The following LHX6 variants were observed in gnomAD, a reference collection of about 807,000 sequenced individuals.
LHX6 encodes the protein LIM/homeobox protein Lhx6.
A neutral mutation model predicts 47.1 loss-of-function variants in LHX6; 15 were observed. That is an observed-to-expected ratio of 0.32 (90% CI 0.21 to 0.49). The LOEUF (loss-of-function observed/expected upper bound fraction) is 0.49, where lower values mean the gene tolerates loss of function less well. Among genes scored for constraint, LHX6 ranks in the 20% least tolerant of loss-of-function variants. LHX6 has a pLI of 0.99. For synonymous variants in LHX6, 242 were observed against 233.5 expected, an observed-to-expected ratio of 1.04 and a Z score of -0.33; for missense variants, 404 against 539.6, an observed-to-expected ratio of 0.75 and a Z score of 2.49.
intron 4 of LHX6, chr9:122,220,912 T>C: frequency 5.3e-6 from 1 of 190,208 alleles, no homozygotes; most frequent in Non-Finnish European, 9.7e-6. Flanking sequence ...AAGCGCTTGG[T>C]AATTATTTGT....
rs1320725303 is a variant in LHX6, at chr9:122,204,558, CTG to C, written c.*200_*201del. The C allele has an allele frequency of 8.3e-6, 4 of 480,090 alleles. No individual in the cohort carries two copies. The highest frequency in any genetic ancestry group is 4.1e-5 in the South Asian group (1 of 24,130). The allele number at this position is 480,090 out of a possible 1,614,324, so 29.7% of individuals were successfully genotyped here. A position where few individuals can be genotyped will look rare whatever the true frequency, so the allele number is the denominator to read the frequency against. On this transcript the variant is annotated 3_prime_UTR_variant, in exon 10 of 10. Coordinates refer to ENST00000394319, the MANE Select transcript of LHX6 (RefSeq NM_014368.5). Reference sequence around the variant, plus strand: ...AGTTCTGCCTTCCAAGAGGAGGACTCTGTGGTGCTCCTGGTGGGTTCTGGTTC... The same window carrying C: ...AGTTCTGCCTTCCAAGAGGAGGACTCTGGTGCTCCTGGTGGGTTCTGGTTC...
At chr9:122,227,645 T>C (rs1214495320) in intron 1 of LHX6, 165 bp from the exon 2 acceptor site, 3 of 1,329,504 alleles carry the variant, frequency 2.3e-6, no homozygotes, top group Non-Finnish European at 2.9e-6. Context: ...GCGGTGTCTC[T>C]CTAATGAAGC....
Position 122,221,631 on chromosome 9 carries a change from A to T in LHX6, c.462-4343T>A, listed in dbSNP as rs533809181. 108 of 985,542 alleles carry T rather than the reference A, an allele frequency of 1.1e-4. No individual in the cohort carries two copies. In the African/African-American group the frequency reaches 1.8e-3, roughly 17 times the overall value. 61.0% of individuals were successfully genotyped at this position (985,542 alleles called of 1,614,324 possible). Reference sequence around the variant, plus strand: ...CTCCCCACTCCCATTGTCAGAAGGCAGGAGGGCCAGGGACCGCAGTGACCT... The same window carrying T: ...CTCCCCACTCCCATTGTCAGAAGGCTGGAGGGCCAGGGACCGCAGTGACCT... On this transcript the variant is annotated intron_variant, in intron 4 of 9. Transcript: ENST00000394319.
chr9:122,222,135 A>G (rs1830888436), intron 4 of LHX6, among the ~76,000 whole-genome samples: 1 of 152,222 alleles, frequency 6.6e-6, no homozygotes, highest in African/African-American at 2.4e-5. Context: ...GCACTTTCCC[A>G]GGACATTAGT....
chr9:122,228,529 A>C, intron 1 of LHX6, 128 bp downstream of exon 1: 2 of 1,280,068 alleles, frequency 1.6e-6, no homozygotes, highest in South Asian at 1.6e-5. Flanking sequence ...ACTCACAAGC[A>C]CACACTCACA....
rs1830465267 is a variant in LHX6, at chr9:122,213,427, G to T, written c.1054+179C>A. Among the ~76,000 whole-genome samples, 1 of 152,144 alleles carries T rather than the reference G, an allele frequency of 6.6e-6. No individual in the cohort carries two copies. The highest frequency in any genetic ancestry group is 2.4e-5 in the African/African-American group (1 of 41,440). On this transcript the variant is annotated intron_variant, in intron 8 of 9. Coordinates refer to ENST00000394319, the MANE Select transcript of LHX6 (RefSeq NM_014368.5). The surrounding 1 kb of genome is among the most constrained non-coding windows in gnomAD (Gnocchi z 5.5). ...AAGGATCCCGCTCCACTGAGGCAGA[G>T]CCGAAGATTTGACCCTTCTTCCCCC...
At chr9:122,207,458 A>G (rs2118824644) in intron 9 of LHX6, among the ~76,000 whole-genome samples, 1 of 152,272 alleles carries the variant, frequency 6.6e-6, no homozygotes. Flanking sequence ...GGCCATCTCT[A>G]TGTCCACAAA....
intron 4 of LHX6, among the ~76,000 whole-genome samples, chr9:122,223,893 G>T (rs1461533126): frequency 6.6e-6 from 1 of 152,168 alleles, no homozygotes; most frequent in Admixed American, 6.5e-5. Context: ...AGCCAGGAGA[G>T]GTGTCCTAGT....
intron 1 of LHX6, 147 bp from the exon 2 acceptor site, chr9:122,227,627 C>T: frequency 1.5e-6 from 2 of 1,351,950 alleles, no homozygotes; most frequent in African/African-American, 1.5e-5. Flanking sequence ...AAGCCCTTCC[C>T]CACAAAAGCG....
rs755823104 is a variant in LHX6 at position 122,226,804 on chromosome 9, C to G, written c.339+44G>C. On this transcript the variant is annotated intron_variant, in intron 3 of 9. Coordinates refer to ENST00000394319, the MANE Select transcript of LHX6 (RefSeq NM_014368.5). This position sits in a 1 kb window ranked among gnomAD's most constrained non-coding sequence, Gnocchi z 6.5. ...TTCCCTGCAGTCTCCTGCGCTGCGT[C>G]CCACGCCCCGACAACACGCACGCAA... The G allele has an allele frequency of 7.3e-5, 112 of 1,539,932 alleles. No homozygotes were observed. The highest frequency in any genetic ancestry group is 9.4e-5 in the Non-Finnish European group (107 of 1,140,876).
Position 122,214,267 on chromosome 9 carries a change from C to T in LHX6, c.783+16G>A. 1.3e-6 allele frequency: 2 copies of T among 1,581,022 alleles called. No individual in the cohort carries two copies. Among genetic ancestry groups the T allele is most frequent in the South Asian group, 1.1e-5 (1 of 87,676 alleles). The stretch of plus-strand genomic sequence containing the variant: ...GCCCGGCCCCCGCCCCCGCCGCCCA[C>T]TGCTTGCAGCGGTACCTGCAGCTGT... On this transcript the variant is annotated intron_variant, in intron 6 of 9. Transcript: ENST00000394319. This position sits in a 1 kb window ranked among gnomAD's most constrained non-coding sequence, Gnocchi z 4.6.
At chr9:122,219,050 C>A (rs1192772814) in intron 4 of LHX6, among the ~76,000 whole-genome samples, 1 of 152,188 alleles carries the variant, frequency 6.6e-6, no homozygotes, top group Non-Finnish European at 1.5e-5. Context: ...GGCGGGCACC[C>A]CTCCACCCGG....
intron 4 of LHX6, among the ~76,000 whole-genome samples, chr9:122,223,787 G>A (rs1830975186): frequency 2.0e-5 from 3 of 152,180 alleles, no homozygotes; most frequent in Admixed American, 1.3e-4. Flanking sequence ...AGTATCCAAG[G>A]AGGCTCAGTC....
chr9:122,204,719 C>A lies in LHX6; in HGVS notation c.*41G>T. 6.3e-7 allele frequency: 1 copy of A among 1,594,626 alleles called. No individual in the cohort carries two copies. The highest frequency in any genetic ancestry group is 8.5e-7 in the Non-Finnish European group (1 of 1,170,450). On this transcript the variant is annotated 3_prime_UTR_variant, in exon 10 of 10. Coordinates refer to ENST00000394319, the MANE Select transcript of LHX6 (RefSeq NM_014368.5). ...CTGGATCTCAGCGGCTGAGGGGCAGCTGTGGGGCGCCCACGGGCAGATGCG... is the reference window on the plus strand; with the variant it reads ...CTGGATCTCAGCGGCTGAGGGGCAGATGTGGGGCGCCCACGGGCAGATGCG...
Position 122,214,565 on chromosome 9 carries a change from T to G in LHX6, c.683-182A>C, listed in dbSNP as rs1203658501. 13 of 425,810 alleles carry G rather than the reference T, an allele frequency of 3.1e-5. No individual in the cohort carries two copies. The highest frequency in any genetic ancestry group is 3.8e-5 in the Non-Finnish European group (12 of 318,488). The allele number at this position is 425,810 out of a possible 1,614,324, so 26.4% of individuals were successfully genotyped here. On this transcript the variant is annotated intron_variant, in intron 5 of 9. Transcript: ENST00000394319. The surrounding 1 kb of genome is among the most constrained non-coding windows in gnomAD (Gnocchi z 4.6). ...GGGGAAGGGGTTTCTGAGCGTCCGC[T>G]TAGTACTGGACACTTCTTACACGAC...
rs1292656390 is a variant in LHX6 at position 122,214,247 on chromosome 9, GC to G, written c.783+35del. 3.9e-6 allele frequency: 6 copies of G among 1,527,510 alleles called. No homozygotes were observed. The highest frequency in any genetic ancestry group is 2.0e-5 in the Admixed American group (1 of 51,044). 94.6% of individuals were successfully genotyped at this position (1,527,510 alleles called of 1,614,324 possible). On this transcript the variant is annotated intron_variant, in intron 6 of 9. Coordinates refer to ENST00000394319, the MANE Select transcript of LHX6 (RefSeq NM_014368.5). The surrounding 1 kb of genome is among the most constrained non-coding windows in gnomAD (Gnocchi z 4.6). Reference sequence around the variant, plus strand: ...GTCGGCCCCGCCCACTTTCGGCCCGGCCCCCGCCCCCGCCGCCCACTGCTTG... The same window carrying G: ...GTCGGCCCCGCCCACTTTCGGCCCGGCCCCGCCCCCGCCGCCCACTGCTTG...
chr9:122,213,508 A>G lies in LHX6; in HGVS notation c.1054+98T>C. 1.8e-6 allele frequency: 2 copies of G among 1,135,554 alleles called. No individual in the cohort carries two copies. The highest frequency in any genetic ancestry group is 3.1e-5 in the African/African-American group (2 of 64,026). The allele number at this position is 1,135,554 out of a possible 1,614,324, so 70.3% of individuals were successfully genotyped here. ...GCTTCTTCACCCACGAGGCTCCCCAAGGCCCTCCACCCCACGCCTCGGCCT... is the reference window on the plus strand; with the variant it reads ...GCTTCTTCACCCACGAGGCTCCCCAGGGCCCTCCACCCCACGCCTCGGCCT... On this transcript the variant is annotated intron_variant, in intron 8 of 9. Coordinates refer to ENST00000394319, the MANE Select transcript of LHX6 (RefSeq NM_014368.5). The surrounding 1 kb of genome is among the most constrained non-coding windows in gnomAD (Gnocchi z 5.5).
chr9:122,209,681 G>T lies in LHX6; in HGVS notation c.1091C>A (p.Pro364His). The T allele has an allele frequency of 8.8e-7, 1 of 1,133,540 alleles. No individual in the cohort carries two copies. The highest frequency in any genetic ancestry group is 1.3e-6 in the Non-Finnish European group (1 of 740,764). 70.2% of individuals were successfully genotyped at this position (1,133,540 alleles called of 1,614,324 possible). Reference protein sequence around the residue: ...VQCGQVHCRLPYTAPPVHLKA... With the variant: ...VQCGQVHCRLHYTAPPVHLKA... The stretch of plus-strand genomic sequence containing the variant: ...GAGGTGGACGGGGGGTGCGGTGTAA[G>T]GCAGCCGGCAGTGCACCTGCCCGCA... The change falls in exon 9 of 10, where the codon CCT (proline) becomes CAT (histidine). Residue 364 changes from proline to histidine, a missense_variant. Transcript: ENST00000394319.
chr9:122,227,164 G>C (rs557875125), intron 2 of LHX6, 134 bp from the exon 3 acceptor site: 2 of 882,570 alleles, frequency 2.3e-6, no homozygotes, highest in East Asian at 2.9e-5. Flanking sequence ...GTAGACTGAA[G>C]GACAGGGATG....
Sources: gnomAD v4.1 joint callset for allele counts (sites outside exome capture counted in the v4.1 genomes callset) on GRCh38, gnomAD v4.1.1 for gene constraint, Gnocchi (gnomAD v3.1) non-coding constraint, MANE v1.5 for transcripts, NCBI Gene and HGNC (gene_info 2026-07-23, HGNC 2026-07-21) for gene names.